The following CDK17 variants were observed in gnomAD, a reference collection of about 807,000 sequenced individuals.
CDK17 encodes cyclin-dependent kinase 17.
Under a neutral mutation model 77.6 loss-of-function variants are expected in CDK17, and 24 were observed. The ratio of observed to expected loss-of-function variants is 0.31; its 90% confidence interval spans 0.22 to 0.44. The LOEUF (loss-of-function observed/expected upper bound fraction) is 0.44, where lower values mean the gene tolerates loss of function less well. Ranked by LOEUF, CDK17 falls within the 20% of genes least tolerant of loss-of-function variation. The pLI, the probability that CDK17 is intolerant of heterozygous loss-of-function variation, is 1.00. For synonymous variants in CDK17, 203 were observed against 210.4 expected (o/e 0.96, Z 0.30); for missense variants, 429 against 622.5 (o/e 0.69, Z 3.31).
rs760475780 is a variant in CDK17, at chr12:96,300,321, A to G, written c.583T>C (p.Leu195=). 1.3e-6 allele frequency: 2 copies of G among 1,599,080 alleles called. No homozygotes were observed. Among genetic ancestry groups the G allele is most frequent in the Admixed American group, 1.7e-5 (1 of 58,672 alleles). The change falls in exon 6 of 17, where the codon TTG becomes CTG. Residue 195 remains leucine, a synonymous_variant. Transcript: ENST00000261211. ...TTACTTACCTCTCCAAGCTTTTCCAATTTGATGTAGGTTTCCATTTTTCCA... is the reference window on the plus strand; with the variant it reads ...TTACTTACCTCTCCAAGCTTTTCCAGTTTGATGTAGGTTTCCATTTTTCCA... ...GFGKMETYIK[L]EKLGEGTYAT...
intron 1 of CDK17, among the ~76,000 whole-genome samples, chr12:96,356,132 G>A (rs920153950): frequency 1.4e-4 from 22 of 152,192 alleles, no homozygotes; most frequent in African/African-American, 5.1e-4. Flanking sequence ...CTTGGGAGGT[G>A]TTATATCATT....
At chr12:96,382,449 T>C (rs1953899792) in intron 1 of CDK17, among the ~76,000 whole-genome samples, 1 of 151,578 alleles carries the variant, frequency 6.6e-6, no homozygotes, top group Admixed American at 6.6e-5. Context: ...GAAAAATTGG[T>C]ACCAATCCTA....
chr12:96,343,693 G>C (rs1050696728), intron 1 of CDK17, among the ~76,000 whole-genome samples: 2 of 152,182 alleles, frequency 1.3e-5, no homozygotes, highest in African/African-American at 4.8e-5. Flanking sequence ...AATGGTTTTG[G>C]AAAGTCACAA....
chr12:96,393,569 C>T (rs1347681519), intron 1 of CDK17, among the ~76,000 whole-genome samples: 1 of 151,842 alleles, frequency 6.6e-6, no homozygotes, highest in East Asian at 1.9e-4. Context: ...CCCATCTCTA[C>T]TAAAAACACA....
At chr12:96,357,440 T>A (rs919256298) in intron 1 of CDK17, among the ~76,000 whole-genome samples, 4 of 152,136 alleles carry the variant, frequency 2.6e-5, no homozygotes, top group African/African-American at 9.7e-5. Flanking sequence ...GGAGACAAAG[T>A]GAGACCCTGT....
At chr12:96,357,479 G>A (rs1953415082) in intron 1 of CDK17, among the ~76,000 whole-genome samples, 2 of 152,046 alleles carry the variant, frequency 1.3e-5, no homozygotes, top group Non-Finnish European at 1.5e-5. Context: ...GAAAACAGGA[G>A]AGACGAGAAG....
intron 10 of CDK17, among the ~76,000 whole-genome samples, chr12:96,289,810 C>T (rs548595878): frequency 5.9e-5 from 9 of 152,212 alleles, no homozygotes; most frequent in Non-Finnish European, 7.4e-5. Context: ...GAGACAATTT[C>T]CTTGGAATAA....
intron 3 of CDK17, among the ~76,000 whole-genome samples, chr12:96,316,198 C>CG (rs1183021755): frequency 6.6e-6 from 1 of 152,074 alleles, no homozygotes; most frequent in Non-Finnish European, 1.5e-5. Flanking sequence ...GGGTGACGGA[C>CG]GCACCTGGAA....
At chr12:96,362,586 T>C (rs2137191610) in intron 1 of CDK17, among the ~76,000 whole-genome samples, 1 of 104,266 alleles carries the variant, frequency 9.6e-6, no homozygotes, top group Non-Finnish European at 2.8e-5. Context: ...TAATATCCTA[T>C]CTGTAAAACT....
At chr12:96,317,142 G>A (rs1300756645) in intron 3 of CDK17, among the ~76,000 whole-genome samples, 8 of 148,088 alleles carry the variant, frequency 5.4e-5, no homozygotes, top group Non-Finnish European at 9.0e-5. Flanking sequence ...ACCAAGGCTC[G>A]AGAACTACAT....
Position 96,316,643 on chromosome 12 carries a change from T to C in CDK17, c.284-3189A>G, listed in dbSNP as rs545810737. 3.8e-3 allele frequency among the ~76,000 whole-genome samples: 504 copies of C among 131,230 alleles called. 72 individuals carry two copies. Among genetic ancestry groups the C allele is most frequent in the Middle Eastern group, 0.011 (3 of 270 alleles). 86.1% of individuals were successfully genotyped at this position (131,230 alleles called of 152,430 possible). The stretch of plus-strand genomic sequence containing the variant: ...CAGACTGCCTCCTCAAGTGGGTCCC[T>C]GACCCCCTGACCCCCGAGCAGCCTA... On this transcript the variant is annotated intron_variant, in intron 3 of 16. Coordinates refer to ENST00000261211, the MANE Select transcript of CDK17 (RefSeq NM_002595.5).
intron 2 of CDK17, among the ~76,000 whole-genome samples, chr12:96,330,901 G>A (rs905256586): frequency 6.6e-6 from 1 of 152,122 alleles, no homozygotes; most frequent in African/African-American, 2.4e-5. Context: ...GTAAGTCTAT[G>A]TTTAACTTTT....
chr12:96,398,480 G>C (rs556283846), intron 1 of CDK17, among the ~76,000 whole-genome samples: 1 of 152,248 alleles, frequency 6.6e-6, no homozygotes, highest in South Asian at 2.1e-4. Flanking sequence ...CTAGTTTCAA[G>C]GCAAGCTTTG....
At chr12:96,395,831 A>G (rs4237906) in intron 1 of CDK17, among the ~76,000 whole-genome samples, 75,620 of 151,930 alleles carry the variant, frequency 0.5, 19,729 homozygotes, top group African/African-American at 0.65. Flanking sequence ...TCACCTGCAG[A>G]CAGGGAGGAA....
At chr12:96,316,747 C>G (rs1212199788) in intron 3 of CDK17, among the ~76,000 whole-genome samples, 1 of 126,454 alleles carries the variant, frequency 7.9e-6, no homozygotes, top group Admixed American at 8.7e-5. Context: ...GCTGAGGGTC[C>G]TGTCTGTTAG....
chr12:96,343,932 C>T (rs889385225), intron 1 of CDK17, among the ~76,000 whole-genome samples: 3 of 152,134 alleles, frequency 2.0e-5, no homozygotes, highest in African/African-American at 7.2e-5. Context: ...CCTAAATATA[C>T]TCAAAGAGCT....
intron 1 of CDK17, among the ~76,000 whole-genome samples, chr12:96,391,490 C>T (rs550152479): frequency 3.1e-4 from 42 of 136,138 alleles, no homozygotes; most frequent in African/African-American, 1.0e-3. Context: ...GGGGTTTCGC[C>T]ATGTTGCCCA....
At chr12:96,361,971 ATT>A (rs550007939) in intron 1 of CDK17, among the ~76,000 whole-genome samples, 1 of 152,144 alleles carries the variant, frequency 6.6e-6, no homozygotes, top group Non-Finnish European at 1.5e-5. Context: ...CTAGTAACTG[ATT>A]TTGATATTTT....
intron 5 of CDK17, among the ~76,000 whole-genome samples, chr12:96,302,118 CCATGTATTGTCTTGAA>C (rs1952513803): frequency 6.6e-6 from 1 of 152,070 alleles, no homozygotes; most frequent in Non-Finnish European, 1.5e-5. Context: ...CACTATTCAT[CCATGTATTGTCTTGAA>C]CATGACTCAG....
Sources: gnomAD v4.1 joint callset for allele counts (sites outside exome capture counted in the v4.1 genomes callset) on GRCh38, gnomAD v4.1.1 for gene constraint, MANE v1.5 for transcripts, NCBI Gene and HGNC (gene_info 2026-07-23, HGNC 2026-07-21) for gene names.